The following PYGB variants were observed in gnomAD, a reference collection of about 807,000 sequenced individuals.
PYGB encodes glycogen phosphorylase, brain form.
Under a neutral mutation model 94.3 loss-of-function variants are expected in PYGB, and 82 were observed. The observed-to-expected ratio is 0.87, with a 90% confidence interval of 0.73 to 1.04. The LOEUF (loss-of-function observed/expected upper bound fraction) is 1.04, where lower values mean the gene tolerates loss of function less well. PYGB is among the 50% of genes least tolerant of loss of function. PYGB has a pLI of 0.00. For missense variants in PYGB, 1,132 were observed against 1,158.2 expected (o/e 0.98, Z 0.33); for synonymous variants, 488 against 479.1 (o/e 1.02, Z -0.24).
intron 1 of PYGB, among the ~76,000 whole-genome samples, chr20:25,257,793 C>T (rs572770788): frequency 5.7e-4 from 87 of 152,316 alleles, no homozygotes; most frequent in African/African-American, 2.0e-3. Flanking sequence ...TAGCCAGGGT[C>T]TAGTTGGGCT....
chr20:25,284,924 A>T (rs530104856), intron 14 of PYGB: 1 of 152,356 alleles, frequency 6.6e-6, no homozygotes, highest in South Asian at 2.1e-4. Flanking sequence ...GTCAATGTGA[A>T]TATTTGCTAG....
At chr20:25,289,025 G>A (rs1331324643) in intron 15 of PYGB, among the ~76,000 whole-genome samples, 1 of 152,228 alleles carries the variant, frequency 6.6e-6, no homozygotes, top group Non-Finnish European at 1.5e-5. Flanking sequence ...TCCTTAGGAG[G>A]GTCCTGCTGG....
intron 1 of PYGB, among the ~76,000 whole-genome samples, chr20:25,249,020 C>G (rs950795500): frequency 6.6e-5 from 10 of 152,318 alleles, no homozygotes; most frequent in Non-Finnish European, 7.3e-5. Flanking sequence ...GTTCCCACAC[C>G]TCCCTTGGAG....
chr20:25,281,698 C>G (rs1054477393), intron 11 of PYGB, among the ~76,000 whole-genome samples: 18 of 152,246 alleles, frequency 1.2e-4, no homozygotes, highest in Non-Finnish European at 2.5e-4. Context: ...CCGAGCGCAG[C>G]TTCTCAAGCC....
rs1201456298 is a variant in PYGB, at chr20:25,297,628, C to T, written c.*1106C>T. On this transcript the variant is annotated 3_prime_UTR_variant, in exon 20 of 20. Transcript: ENST00000216962. ...CTCACAGCCTTGCCCCTCCCCAAGG[C>T]TGGCAACCTGCCTCCCATTGCCCAA... 4 of 152,356 alleles carry T rather than the reference C, an allele frequency of 2.6e-5. No homozygotes were observed. Among genetic ancestry groups the T allele is most frequent in the Admixed American group, 6.5e-5 (1 of 15,288 alleles). The allele number at this position is 152,356 out of a possible 1,614,324, so 9.4% of individuals were successfully genotyped here.
intron 16 of PYGB, among the ~76,000 whole-genome samples, chr20:25,291,097 G>C (rs1167156525): frequency 2.0e-5 from 3 of 151,982 alleles, no homozygotes; most frequent in African/African-American, 7.3e-5. Context: ...TGGGCCCCCA[G>C]CTTCCCCCAA....
chr20:25,268,162 C>CG (rs1555806052), intron 2 of PYGB, among the ~76,000 whole-genome samples: 2 of 7,098 alleles, frequency 2.8e-4, no homozygotes, highest in Non-Finnish European at 4.9e-4. Flanking sequence ...CTAGCACCCG[C>CG]CCCCCCCCCA....
chr20:25,294,097 T>C lies in PYGB; in HGVS notation c.2178-61T>C, dbSNP rs550985899. 31 of 1,589,610 alleles carry C rather than the reference T, an allele frequency of 2.0e-5. No individual in the cohort carries two copies. The East Asian group carries it at 6.9e-4, about 35-fold the overall frequency. On this transcript the variant is annotated intron_variant, in intron 17 of 19. Transcript: ENST00000216962. ...GGCTGTGCCAGGCACCAACATGGCTTGTTCTCCAAGGTGGCCCACCTGGGG... is the reference window on the plus strand; with the variant it reads ...GGCTGTGCCAGGCACCAACATGGCTCGTTCTCCAAGGTGGCCCACCTGGGG...
Position 25,292,449 on chromosome 20 carries a change from C to T in PYGB, c.2013C>T (p.Gly671=), listed in dbSNP as rs2088476896. ...TGTCGCAGCAGATCTCCACTGCAGG[C>T]ACCGAGGCCTCAGGCACAGGCAACA... ...ADLSQQISTA[G]TEASGTGNMK... is the part of the protein sequence containing the mutation. The change falls in exon 17 of 20, where the codon GGC becomes GGT. Residue 671 remains glycine (G), a synonymous_variant. Transcript: ENST00000216962. The T allele has an allele frequency of 6.2e-7, 1 of 1,613,468 alleles. No homozygotes were observed. Among genetic ancestry groups the T allele is most frequent in the East Asian group, 2.2e-5 (1 of 44,886 alleles).
rs1210547539 is a variant in PYGB at position 25,295,688 on chromosome 20, A to G, written c.2379+18A>G. The G allele has an allele frequency of 6.2e-7, 1 of 1,606,884 alleles. No individual in the cohort carries two copies. The highest frequency in any genetic ancestry group is 8.5e-7 in the Non-Finnish European group (1 of 1,173,608). ...TGTACCGGGTGAGGCTCCTGGGTCC[A>G]GAGGCTAGGGGAGCAGCTGGGTGGG... On this transcript the variant is annotated intron_variant, in intron 19 of 19. Transcript: ENST00000216962.
At position 25,292,452 on chromosome 20, in the gene PYGB, C is replaced by T. The variant is rs138320949; in HGVS notation, c.2016C>T (p.Thr672=). 1.2e-4 allele frequency: 186 copies of T among 1,613,482 alleles called. 1 individual carries two copies. The African/African-American group carries it at 1.9e-3, about 16-fold the overall frequency. The change falls in exon 17 of 20, where the codon ACC becomes ACT. Residue 672 remains threonine, a synonymous_variant. Transcript: ENST00000216962. The part of the protein sequence containing the change: ...DLSQQISTAG[T]EASGTGNMKF... ...CGCAGCAGATCTCCACTGCAGGCACCGAGGCCTCAGGCACAGGCAACATGA... is the reference window on the plus strand; with the variant it reads ...CGCAGCAGATCTCCACTGCAGGCACTGAGGCCTCAGGCACAGGCAACATGA...
chr20:25,290,718 T>A, intron 16 of PYGB, 96 bp downstream of exon 16: 1 of 1,514,824 alleles, frequency 6.6e-7, no homozygotes, highest in Non-Finnish European at 9.0e-7. Context: ...CCAGTTCAGC[T>A]CTGCCTGGAC....
intron 18 of PYGB, 101 bp from the exon 19 acceptor site, chr20:25,295,503 A>G (rs962098607): frequency 1.5e-6 from 2 of 1,349,672 alleles, no homozygotes; most frequent in Non-Finnish European, 2.1e-6. Context: ...AGACAGGACC[A>G]GGTGGATGGT....
chr20:25,296,544 C>T lies in PYGB; in HGVS notation c.*22C>T, dbSNP rs1310016548. On this transcript the variant is annotated 3_prime_UTR_variant, in exon 20 of 20. Transcript: ENST00000216962. ...CTAGGCACACCCTGCCTTGGCGGGA[C>T]CAGCGGGCATTTGTTTTCTTGCTGA... 3.1e-6 allele frequency: 5 copies of T among 1,594,536 alleles called. No individual in the cohort carries two copies. The African/African-American group carries it at 4.0e-5, about 13-fold the overall frequency.
rs200703420 is a variant in PYGB at position 25,259,225 on chromosome 20, C to A, written c.244-12C>A. On this transcript the variant is annotated splice_polypyrimidine_tract_variant and intron_variant, in intron 1 of 19. Coordinates refer to ENST00000216962, the MANE Select transcript of PYGB (RefSeq NM_002862.4). ...GGAATGAGAAATCTTATTCTTTCTT[C>A]TGCTTCCTCAGCGCATTTATTATCT... is the stretch of plus-strand genomic sequence containing the variant. The A allele has an allele frequency of 1.9e-6, 3 of 1,563,996 alleles. No individual in the cohort carries two copies. The highest frequency in any genetic ancestry group is 2.6e-6 in the Non-Finnish European group (3 of 1,134,666).
chr20:25,248,537 C>T (rs1364842775), intron 1 of PYGB, 116 bp downstream of exon 1: 6 of 1,204,914 alleles, frequency 5.0e-6, no homozygotes, highest in Middle Eastern at 3.2e-4. Context: ...CGCCCCTAGC[C>T]GGCCGGCGGC....
intron 5 of PYGB, among the ~76,000 whole-genome samples, chr20:25,275,121 C>T (rs1315918398): frequency 6.6e-6 from 1 of 152,264 alleles, no homozygotes; most frequent in Non-Finnish European, 1.5e-5. Context: ...CCCACTATCT[C>T]TGTGGAGCAC....
chr20:25,258,779 G>C (rs1484465156), intron 1 of PYGB, among the ~76,000 whole-genome samples: 2 of 152,258 alleles, frequency 1.3e-5, no homozygotes, highest in African/African-American at 4.8e-5. Context: ...TGCTTCACGT[G>C]GGTGCTAGAA....
At chr20:25,277,834 A>G (rs1487819964) in intron 7 of PYGB, among the ~76,000 whole-genome samples, 1 of 152,252 alleles carries the variant, frequency 6.6e-6, no homozygotes, top group African/African-American at 2.4e-5. Flanking sequence ...ACCTGCATTT[A>G]GTGCCCAGTG....
Sources: gnomAD v4.1 joint callset for allele counts (sites outside exome capture counted in the v4.1 genomes callset) on GRCh38, gnomAD v4.1.1 for gene constraint, MANE v1.5 for transcripts, NCBI Gene and HGNC (gene_info 2026-07-23, HGNC 2026-07-21) for gene names.